Variants in TTN observed in about 807,000 individuals in gnomAD.
TTN encodes connectin.
Under a neutral mutation model 3,223.0 loss-of-function variants are expected in TTN, and 1,525 were observed. The ratio of observed to expected loss-of-function variants is 0.47; its 90% CI spans 0.45 to 0.49. The LOEUF (loss-of-function observed/expected upper bound fraction) is 0.49, where lower values mean the gene tolerates loss of function less well. Among genes scored for constraint, TTN ranks in the 20% least tolerant of loss-of-function variants. The pLI, the probability that TTN is intolerant of heterozygous loss-of-function variation, is 0.00. For synonymous variants in TTN, 14,094 were observed against 15,161.0 expected, an observed-to-expected ratio of 0.93 and a Z score of 5.17; for missense variants, 40,786 against 43,424.0, an observed-to-expected ratio of 0.94 and a Z score of 5.40.
At position 178,712,190 on chromosome 2, in the gene TTN, C is replaced by T. The variant is rs987421243; in HGVS notation, c.27640G>A (p.Val9214Ile). 6.2e-7 allele frequency: 1 copy of T among 1,613,454 alleles called. No homozygotes were observed. The highest frequency in any genetic ancestry group is 1.3e-5 in the African/African-American group (1 of 74,912). ...PPYFVKQLEPVKVSVGDSASL... is the reference protein window; with the variant it reads ...PPYFVKQLEPIKVSVGDSASL... ...GCAGAATCTCCAACAGACACCTTAA[C>T]CGGCTCCAACTGCTTGACAAAATAC... is the stretch of plus-strand genomic sequence containing the variant. Residue 9214 changes from valine to isoleucine, a missense_variant, in exon 96 of 363, where the codon GTT becomes ATT. Transcript: ENST00000589042.
chr2:178,564,177 TTTC>T lies in TTN; in HGVS notation c.81952_81954del (p.Glu27318del), dbSNP rs1373805193. ...GATTTAATTTCCATTCTAGCAGCTG[TTTC>T]TTCAAGTTCTTTTCCATCTTTTGAC... On this transcript the variant is annotated inframe_deletion, in exon 326 of 363. Transcript: ENST00000589042. The T allele has an allele frequency of 6.2e-7, 1 of 1,613,718 alleles. No homozygotes were observed. Among genetic ancestry groups the T allele is most frequent in the East Asian group, 2.2e-5 (1 of 44,856 alleles).
At chr2:178,642,589 C>T (rs2061386051) in intron 218 of TTN, among the ~76,000 whole-genome samples, 1 of 151,946 alleles carries the variant, frequency 6.6e-6, no homozygotes, top group South Asian at 2.1e-4. Flanking sequence ...TCCATACTGA[C>T]TTTATGAATC....
rs1234948095 is a variant in TTN, at chr2:178,652,656, T to C, written c.39040A>G (p.Lys13014Glu). 1.2e-6 allele frequency: 2 copies of C among 1,613,266 alleles called. No individual in the cohort carries two copies. The highest frequency in any genetic ancestry group is 1.7e-6 in the Non-Finnish European group (2 of 1,179,582). Residue 13014 changes from lysine to glutamate, a missense_variant, in exon 201 of 363, where the codon AAA becomes GAA. By Grantham distance (56) the Lys-to-Glu change is moderately conservative. Coordinates refer to ENST00000589042, the MANE Select transcript of TTN (RefSeq NM_001267550.2). ...PPKKPEVPPV[K>E]VPEAPKEVVP... is the part of the protein sequence containing the mutation. ...GCTTAAACTCAATGACAAATACCTTTAACAGGTGGGACTTCAGGCTTTTTA... is the reference window on the plus strand; with the variant it reads ...GCTTAAACTCAATGACAAATACCTTCAACAGGTGGGACTTCAGGCTTTTTA...
Position 178,583,784 on chromosome 2 carries a change from G to T in TTN, c.65398C>A (p.Pro21800Thr), listed in dbSNP as rs760650311. 2.5e-6 allele frequency: 4 copies of T among 1,610,862 alleles called. No individual in the cohort carries two copies. The highest frequency in any genetic ancestry group is 3.4e-6 in the Non-Finnish European group (4 of 1,178,472). ...TTGCACCGTACCCATTTATCACCAG[G>T]AAGTTTGCAAGCTTCTACGAAATAG... ...IGYFVEACKL[P>T]GDKWVRCNTA... Residue 21800 changes from proline (P) to threonine (T), a missense_variant, in exon 312 of 363, where the codon CCT becomes ACT. Transcript: ENST00000589042.
chr2:178,549,031 T>G lies in TTN; in HGVS notation c.92595A>C (p.Leu30865Phe), dbSNP rs192086736. ...CTGCATTCACCTTGTGCCAGTCTCCTAAGTCGGCCTTACACATTTCAATAA... is the reference window on the plus strand; with the variant it reads ...CTGCATTCACCTTGTGCCAGTCTCCGAAGTCGGCCTTACACATTTCAATAA... ...GYIIEMCKAD[L>F]GDWHKVNAEA... is the part of the protein sequence containing the mutation. The change falls in exon 339 of 363, where the codon TTA becomes TTC. Residue 30865 changes from leucine (L) to phenylalanine (F), a missense_variant. Transcript: ENST00000589042. The G allele has an allele frequency of 6.2e-7, 1 of 1,613,816 alleles. No homozygotes were observed. The highest frequency in any genetic ancestry group is 8.5e-7 in the Non-Finnish European group (1 of 1,179,854).
At position 178,629,385 on chromosome 2, in the gene TTN, T is replaced by C. The variant is rs1344459144; in HGVS notation, c.44340A>G (p.Thr14780=). ...AGGAGAGCTCGCAGTCGAAGGTGGCTGTTTCCCCTGCAGTCACGGTGACAT... is the reference window on the plus strand; with the variant it reads ...AGGAGAGCTCGCAGTCGAAGGTGGCCGTTTCCCCTGCAGTCACGGTGACAT... ...LKDVTVTAGE[T]ATFDCELSYE... The change falls in exon 240 of 363, where the codon ACA becomes ACG. Residue 14780 remains threonine (T), a synonymous_variant. Coordinates refer to ENST00000589042, the MANE Select transcript of TTN (RefSeq NM_001267550.2). 1 of 1,613,060 alleles carries C rather than the reference T, an allele frequency of 6.2e-7. No homozygotes were observed. Among genetic ancestry groups the C allele is most frequent in the South Asian group, 1.1e-5 (1 of 91,054 alleles).
Position 178,567,408 on chromosome 2 carries a change from T to C in TTN, c.78724A>G (p.Ile26242Val), listed in dbSNP as rs750748102. Residue 26242 changes from isoleucine to valine, a missense_variant, in exon 326 of 363, where the codon ATA becomes GTA. Ile to Val is a conservative substitution (Grantham distance 29). Coordinates refer to ENST00000589042, the MANE Select transcript of TTN (RefSeq NM_001267550.2). ...AAAGCCTTGAAATCTGTGTTCTTTA[T>C]TTCACATCTAGCAGATTCTTCAATT... ...KEIEESARCEIKNTDFKALLI... is the reference protein window; with the variant it reads ...KEIEESARCEVKNTDFKALLI... The C allele has an allele frequency of 6.2e-7, 1 of 1,603,920 alleles. No individual in the cohort carries two copies. The highest frequency in any genetic ancestry group is 8.5e-7 in the Non-Finnish European group (1 of 1,175,812).
At chr2:178,799,431 T>C (rs1485739820) in intron 6 of TTN, 56 bp downstream of exon 6, 27 of 1,612,388 alleles carry the variant, frequency 1.7e-5, no homozygotes, top group Non-Finnish European at 2.2e-5. Flanking sequence ...ATCTTTCTCG[T>C]TTCAAAACCT....
chr2:178,568,393 G>C lies in TTN; in HGVS notation c.77739C>G (p.Asn25913Lys). The change falls in exon 326 of 363, where the codon AAC (asparagine) becomes AAG (lysine). Residue 25913 changes from asparagine to lysine, a missense_variant. By Grantham distance (94) the Asn-to-Lys change is moderately conservative (BLOSUM62 0). Transcript: ENST00000589042. Reference sequence around the variant, plus strand: ...GGCAGCCCCCTGTATATAATGGAGGGTTCCAAGATAATGTAATACTTTCAG... The same window carrying C: ...GGCAGCCCCCTGTATATAATGGAGGCTTCCAAGATAATGTAATACTTTCAG... ...VSAESITLSW[N>K]PPLYTGGCQI... is the part of the protein sequence containing the mutation. 6.2e-7 allele frequency: 1 copy of C among 1,613,124 alleles called. No individual in the cohort carries two copies. Among genetic ancestry groups the C allele is most frequent in the Non-Finnish European group, 8.5e-7 (1 of 1,179,522 alleles).
chr2:178,709,204 G>A (rs1293171931), intron 99 of TTN, among the ~76,000 whole-genome samples: 1 of 152,080 alleles, frequency 6.6e-6, no homozygotes, highest in African/African-American at 2.4e-5. Context: ...TCAAGTTAAT[G>A]TGATATTTGG....
chr2:178,558,839 A>T, intron 326 of TTN: 1 of 551,332 alleles, frequency 1.8e-6, no homozygotes, highest in Non-Finnish European at 3.1e-6. Flanking sequence ...TATAGCATTC[A>T]AATCCAAATT....
At position 178,538,815 on chromosome 2, in the gene TTN, A is replaced by G. The variant is rs1262695858; in HGVS notation, c.99014T>C (p.Leu33005Pro). 14 of 1,610,258 alleles carry G rather than the reference A, an allele frequency of 8.7e-6. No individual in the cohort carries two copies. The highest frequency in any genetic ancestry group is 1.7e-5 in the Admixed American group (1 of 59,710). The change falls in exon 354 of 363, where the codon CTT becomes CCT. Residue 33005 changes from leucine to proline, a missense_variant. Transcript: ENST00000589042. Reference sequence around the variant, plus strand: ...ATCTTTGGATATTGAAAGAATCTCAAGTTCTCCTGGTTGGCTTGGTTTATC... The same window carrying G: ...ATCTTTGGATATTGAAAGAATCTCAGGTTCTCCTGGTTGGCTTGGTTTATC... ...PFDKPSQPGELEILSISKDSV... is the reference protein window; with the variant it reads ...PFDKPSQPGEPEILSISKDSV...
At chr2:178,639,957 T>C in intron 222 of TTN, 91 bp downstream of exon 222, 1 of 1,511,134 alleles carries the variant, frequency 6.6e-7, no homozygotes, top group East Asian at 2.3e-5. Context: ...TGATACATAC[T>C]GACTTTCACC....
chr2:178,754,686 T>C (rs964480825), intron 46 of TTN, among the ~76,000 whole-genome samples: 2 of 152,188 alleles, frequency 1.3e-5, no homozygotes, highest in Non-Finnish European at 2.9e-5. Context: ...GTGTGATTAC[T>C]GTGCTAGCCA....
At position 178,649,608 on chromosome 2, in the gene TTN, C is replaced by G; in HGVS notation, c.39919G>C (p.Val13307Leu). Residue 13307 changes from valine (V) to leucine (L), a missense_variant, in exon 212 of 363, where the codon GTT becomes CTT. Transcript: ENST00000589042. The part of the protein sequence containing the change: ...PKEPEMPKKV[V>L]PVKKVPTVKK... The stretch of plus-strand genomic sequence containing the variant: ...ACAGTTGGGACCTTCTTCACTGGAA[C>G]AACTTTCTTTGGCATCTCAGGTTCT... 1 of 1,550,274 alleles carries G rather than the reference C, an allele frequency of 6.5e-7. No homozygotes were observed. Among genetic ancestry groups the G allele is most frequent in the Non-Finnish European group, 8.7e-7 (1 of 1,146,616 alleles).
At chr2:178,615,067 A>G (rs2057075908) in intron 259 of TTN, 99 bp from the exon 260 acceptor site, 1 of 1,096,930 alleles carries the variant, frequency 9.1e-7, no homozygotes, top group South Asian at 1.6e-5. Context: ...CTGGTATAAT[A>G]CTAGTCTTTA....
Position 178,589,579 on chromosome 2 carries a change from C to T in TTN, c.62146G>A (p.Glu20716Lys). The change falls in exon 304 of 363, where the codon GAA (glutamate) becomes AAA (lysine). Residue 20716 changes from glutamate (E) to lysine (K), a missense_variant. Glu to Lys is a moderately conservative substitution (Grantham distance 56). Coordinates refer to ENST00000589042, the MANE Select transcript of TTN (RefSeq NM_001267550.2). Reference protein sequence around the residue: ...ERRLKGSDDWERVHKGSIKET... With the variant: ...ERRLKGSDDWKRVHKGSIKET... ...TTAATGCTTCCTTTATGCACTCTTT[C>T]CCAGTCATCGGAGCCCTTAAGCCTT... 5.0e-6 allele frequency: 8 copies of T among 1,613,420 alleles called. No homozygotes were observed. Among genetic ancestry groups the T allele is most frequent in the Non-Finnish European group, 6.8e-6 (8 of 1,179,602 alleles).
chr2:178,584,684 C>T lies in TTN; in HGVS notation c.64957G>A (p.Ala21653Thr). The T allele has an allele frequency of 6.2e-7, 1 of 1,613,398 alleles. No homozygotes were observed. Among genetic ancestry groups the T allele is most frequent in the Non-Finnish European group, 8.5e-7 (1 of 1,179,544 alleles). Residue 21653 changes from alanine (A) to threonine (T), a missense_variant, in exon 310 of 363, where the codon GCG becomes ACG. Ala to Thr is a moderately conservative substitution (Grantham distance 58). Transcript: ENST00000589042. ...SEPLTSPKMV[A>T]QFPFGVPSEP... ...AAAAACATACCAAATGGGAACTGCG[C>T]AACCATCTTTGGAGATGTGAGAGGC... is the stretch of plus-strand genomic sequence containing the variant.
chr2:178,635,966 C>T lies in TTN; in HGVS notation c.41605G>A (p.Val13869Ile). 1 of 1,591,390 alleles carries T rather than the reference C, an allele frequency of 6.3e-7. No homozygotes were observed. Among genetic ancestry groups the T allele is most frequent in the Non-Finnish European group, 8.6e-7 (1 of 1,166,992 alleles). Residue 13869 changes from valine to isoleucine, a missense_variant, in exon 226 of 363, where the codon GTA becomes ATA. Coordinates refer to ENST00000589042, the MANE Select transcript of TTN (RefSeq NM_001267550.2). ...NLECSSCVKV[V>I]EVIRDWLVKP... ...AATCTCCCAGGAAAGTACTAACCTA[C>T]TACTTTTACGCAAGATGAACACTCC...
Sources: gnomAD v4.1 joint callset for allele counts (sites outside exome capture counted in the v4.1 genomes callset) on GRCh38, gnomAD v4.1.1 for gene constraint, MANE v1.5 for transcripts, NCBI Gene and HGNC (gene_info 2026-07-23, HGNC 2026-07-21) for gene names.